Variants in AHNAK2 observed in about 807,000 individuals in gnomAD.
AHNAK2 encodes the protein protein AHNAK2.
A neutral mutation model predicts 30.7 loss-of-function variants in AHNAK2; 18 were observed. That is an observed-to-expected ratio of 0.59 (90% CI 0.41 to 0.87). The LOEUF (loss-of-function observed/expected upper bound fraction) is 0.87. Ranked by LOEUF, AHNAK2 falls within the 40% of genes least tolerant of loss-of-function variation. The pLI is 0.00. For missense variants in AHNAK2, 8,604 were observed against 7,373.0 expected (o/e 1.17, Z -6.11); for synonymous variants, 3,590 against 3,073.8 (o/e 1.17, Z -5.56).
At position 104,947,288 on chromosome 14, in the gene AHNAK2, A is replaced by G. The variant is rs780127043; in HGVS notation, c.8163T>C (p.Val2721=). The G allele has an allele frequency of 1.2e-6, 2 of 1,608,426 alleles. No individual in the cohort carries two copies. The highest frequency in any genetic ancestry group is 8.5e-7 in the Non-Finnish European group (1 of 1,178,142). ...GCCCTTTGAGGCCGGCTCCCTCGGG[A>G]ACGTGGCCCTCTGGGAGTTTCACAT... is the stretch of plus-strand genomic sequence containing the variant. ...QVDVKLPEGH[V]PEGAGLKGHL... Residue 2721 remains valine, a synonymous_variant, in exon 7 of 7, where the codon GTT becomes GTC. Transcript: ENST00000333244.
rs374614203 is a variant in AHNAK2, at chr14:104,950,824, T to C, written c.4627A>G (p.Ile1543Val). Residue 1543 changes from isoleucine to valine, a missense_variant, in exon 7 of 7, where the codon ATA (isoleucine) becomes GTA (valine). Coordinates refer to ENST00000333244, the MANE Select transcript of AHNAK2 (RefSeq NM_138420.4). Reference sequence around the variant, plus strand: ...TCCAGGTCAGCAGAAGGGGGCTGTATGCTCAGGTCAGTGGCCTTGAGGTCC... The same window carrying C: ...TCCAGGTCAGCAGAAGGGGGCTGTACGCTCAGGTCAGTGGCCTTGAGGTCC... Reference protein sequence around the residue: ...QGDLKATDLSIQPPSADLEVQ... With the variant: ...QGDLKATDLSVQPPSADLEVQ... 515 of 1,585,158 alleles carry C rather than the reference T, an allele frequency of 3.2e-4. 38 individuals are homozygous for C. The highest frequency in any genetic ancestry group is 3.1e-3 in the African/African-American group (230 of 73,434).
In AHNAK2 at chr14:104,952,677, T is replaced by C; in HGVS notation, c.2774A>G (p.Lys925Arg). ...GCCCTTGAGGTCCACTTTGGGCATC[T>C]TGAAACTGGGCATCTCCACTTTGGG... is the stretch of plus-strand genomic sequence containing the variant. ...HLPKVEMPSF[K>R]MPKVDLKGPQ... The change falls in exon 7 of 7, where the codon AAG becomes AGG. Residue 925 changes from lysine (K) to arginine (R), a missense_variant. Coordinates refer to ENST00000333244, the MANE Select transcript of AHNAK2 (RefSeq NM_138420.4). The C allele has an allele frequency of 8.7e-6, 14 of 1,612,608 alleles. No individual in the cohort carries two copies. The highest frequency in any genetic ancestry group is 1.2e-5 in the Non-Finnish European group (14 of 1,179,564).
Position 104,953,237 on chromosome 14 carries a change from T to G in AHNAK2, c.2214A>C (p.Gln738His). Residue 738 changes from glutamine to histidine, a missense_variant, in exon 7 of 7, where the codon CAA becomes CAC. Coordinates refer to ENST00000333244, the MANE Select transcript of AHNAK2 (RefSeq NM_138420.4). ...PSADLEVQDG[Q>H]VDVKLPEGPL... ...GGCCCTCCGGAAGTTTCACATCCAC[T>G]TGGCCATCCTGGACCTCCAGGTCAG... The G allele has an allele frequency of 3.1e-6, 5 of 1,612,930 alleles. No homozygotes were observed. Among genetic ancestry groups the G allele is most frequent in the Non-Finnish European group, 4.2e-6 (5 of 1,179,642 alleles).
rs1196940846 is a variant in AHNAK2 at position 104,940,473 on chromosome 14, T to A, written c.14978A>T (p.Asp4993Val). 1.2e-6 allele frequency: 2 copies of A among 1,613,834 alleles called. No individual in the cohort carries two copies. The highest frequency in any genetic ancestry group is 8.5e-7 in the Non-Finnish European group (1 of 1,179,888). The change falls in exon 7 of 7, where the codon GAT (aspartate) becomes GTT (valine). Residue 4993 changes from aspartate to valine, a missense_variant. Coordinates refer to ENST00000333244, the MANE Select transcript of AHNAK2 (RefSeq NM_138420.4). The surrounding 1 kb of genome is among the most constrained non-coding windows in gnomAD (Gnocchi z 4.4). The part of the protein sequence containing the change: ...DSKLSLVLDK[D>V]EVAPQSAIHM... The stretch of plus-strand genomic sequence containing the variant: ...GATGGCAGACTGCGGGGCCACTTCA[T>A]CCTTGTCTAAAACCAGGCTGAGTTT...
chr14:104,945,136 C>A lies in AHNAK2; in HGVS notation c.10315G>T (p.Val3439Leu), dbSNP rs760627353. Residue 3439 changes from valine to leucine, a missense_variant, in exon 7 of 7, where the codon GTG becomes TTG. Coordinates refer to ENST00000333244, the MANE Select transcript of AHNAK2 (RefSeq NM_138420.4). ...VPDVEVSLPS[V>L]EVDVQAPRAK... ...CTCGGGGCCTGGACGTCCACCTCCACGCTGGGCAGAGACACCTCCACATCA... is the reference window on the plus strand; with the variant it reads ...CTCGGGGCCTGGACGTCCACCTCCAAGCTGGGCAGAGACACCTCCACATCA... The A allele has an allele frequency of 1.9e-6, 3 of 1,612,746 alleles. No individual in the cohort carries two copies. The Admixed American group carries it at 5.0e-5, about 27-fold the overall frequency.
chr14:104,945,714 A>G lies in AHNAK2; in HGVS notation c.9737T>C (p.Ile3246Thr), dbSNP rs754768132. ...GTCCAGCTTGGGGCCCTTGATGTCT[A>G]TCTGGGGGCCCTTGCGATCTACTTT... Reference protein sequence around the residue: ...MPKVDRKGPQIDIKGPKLDLK... With the variant: ...MPKVDRKGPQTDIKGPKLDLK... Residue 3246 changes from isoleucine to threonine, a missense_variant, in exon 7 of 7, where the codon ATA becomes ACA. Coordinates refer to ENST00000333244, the MANE Select transcript of AHNAK2 (RefSeq NM_138420.4). The G allele has an allele frequency of 1.2e-6, 2 of 1,600,820 alleles. No homozygotes were observed. Among genetic ancestry groups the G allele is most frequent in the East Asian group, 2.2e-5 (1 of 44,644 alleles).
In AHNAK2 at chr14:104,954,298, G is replaced by A. The variant is rs1188646569; in HGVS notation, c.1153C>T (p.Arg385Ter). The A allele has an allele frequency of 3.1e-6, 5 of 1,613,356 alleles. No individual in the cohort carries two copies. Among genetic ancestry groups the A allele is most frequent in the East Asian group, 2.2e-5 (1 of 44,890 alleles). ...SRREERAEQDREVMPAQSMPL... is the reference protein window; with the variant it reads ...SRREERAEQD ...ATGCTCTGAGCAGGCATCACTTCTC[G>A]ATCCTGTTCTGCCCTCTCCTCTCTC... The change falls in exon 7 of 7, where the codon CGA becomes TGA. Residue 385 changes from arginine (R) to a stop codon, truncating the protein, a stop_gained. Coordinates refer to ENST00000333244, the MANE Select transcript of AHNAK2 (RefSeq NM_138420.4). LOFTEE classifies it low-confidence loss of function (END_TRUNC). This position sits in a 1 kb window ranked among gnomAD's most constrained non-coding sequence, Gnocchi z 4.3.
In AHNAK2 at chr14:104,938,477, A is replaced by C. The variant is rs1192537974; in HGVS notation, c.16974T>G (p.Val5658=). ...WLPNIGFSSS[V]DETGVDSKND... ...TTTTGGAATCAACACCTGTCTCATC[A>C]ACAGAAGAGGAAAACCCAATGTTTG... Residue 5658 remains valine (V), a synonymous_variant, in exon 7 of 7, where the codon GTT becomes GTG. Transcript: ENST00000333244. The C allele has an allele frequency of 1.2e-6, 2 of 1,613,872 alleles. No individual in the cohort carries two copies.
intron 1 of AHNAK2, among the ~76,000 whole-genome samples, chr14:104,961,799 C>T (rs1426580238): frequency 1.3e-5 from 2 of 152,044 alleles, no homozygotes; most frequent in Admixed American, 1.3e-4. Context: ...ACAGTGAGAC[C>T]TCATCTTTAG....
In AHNAK2 at chr14:104,953,545, T is replaced by A; in HGVS notation, c.1906A>T (p.Lys636Ter). The change falls in exon 7 of 7, where the codon AAA (lysine) becomes TAA (stop). Residue 636 changes from lysine (K) to a stop codon, truncating the protein, a stop_gained. Coordinates refer to ENST00000333244, the MANE Select transcript of AHNAK2 (RefSeq NM_138420.4). LOFTEE classifies it low-confidence loss of function (END_TRUNC). ...QRRTEEGLKDKEDSDSMTNTT... is the reference protein window; with the variant it reads ...QRRTEEGLKD ...TTTGTCATTGAGTCACTGTCTTCTT[T>A]GTCTTTTAATCCTTCCTCTGTGCGT... 6.2e-7 allele frequency: 1 copy of A among 1,614,060 alleles called. No individual in the cohort carries two copies. The highest frequency in any genetic ancestry group is 2.2e-5 in the East Asian group (1 of 44,888).
chr14:104,957,006 T>C (rs575524369), intron 3 of AHNAK2, among the ~76,000 whole-genome samples: 1 of 152,288 alleles, frequency 6.6e-6, no homozygotes, highest in South Asian at 2.1e-4. Flanking sequence ...TGTACAAAAA[T>C]GAATCCTTTC....
chr14:104,948,235 T>C lies in AHNAK2; in HGVS notation c.7216A>G (p.Met2406Val), dbSNP rs776746111. 51 of 1,612,368 alleles carry C rather than the reference T, an allele frequency of 3.2e-5. 1 individual carries two copies. The highest frequency in any genetic ancestry group is 4.2e-5 in the Non-Finnish European group (50 of 1,179,528). ...ACTTTGGGCATCTTGAAACTGGGCA[T>C]CTGCAGCTTGGGCAGGTGCCCTTTG... ...GLKGHLPKLQ[M>V]PSFKMPKVDL... The change falls in exon 7 of 7, where the codon ATG (methionine) becomes GTG (valine). Residue 2406 changes from methionine (M) to valine (V), a missense_variant. Transcript: ENST00000333244.
Position 104,969,415 on chromosome 14 carries a change from G to A in AHNAK2, c.55+8768C>T, listed in dbSNP as rs973022166. On this transcript the variant is annotated intron_variant, in intron 1 of 6. Transcript: ENST00000333244. Reference sequence around the variant, plus strand: ...CACTGTGCCTGCCTGGGCCACAGGCGCTCTCTCTCTGGGCTTTCCCAGGCT... The same window carrying A: ...CACTGTGCCTGCCTGGGCCACAGGCACTCTCTCTCTGGGCTTTCCCAGGCT... 3.9e-5 allele frequency among the ~76,000 whole-genome samples: 6 copies of A among 152,196 alleles called. No homozygotes were observed. In the East Asian group the frequency reaches 5.8e-4, roughly 15 times the overall value.
chr14:104,950,429 G>C lies in AHNAK2; in HGVS notation c.5022C>G (p.Gly1674=), dbSNP rs76789618. The C allele has an allele frequency of 3.6e-3, 5,710 of 1,586,402 alleles. 599 individuals are homozygous for C. The highest frequency in any genetic ancestry group is 0.024 in the East Asian group (1,063 of 44,188). Residue 1674 remains glycine (G), a synonymous_variant, in exon 7 of 7, where the codon GGC becomes GGG. Coordinates refer to ENST00000333244, the MANE Select transcript of AHNAK2 (RefSeq NM_138420.4). ...KMPSFGVSAP[G]KSIEASVDVS... is the part of the protein sequence containing the mutation. ...CATCCACCGAGGCCTCGATGGACTT[G>C]CCTGGGGCCGACACCCCAAATGATG... is the stretch of plus-strand genomic sequence containing the variant.
chr14:104,962,147 G>A (rs927037907), intron 1 of AHNAK2, among the ~76,000 whole-genome samples: 4 of 152,130 alleles, frequency 2.6e-5, no homozygotes, highest in Non-Finnish European at 4.4e-5. Context: ...AACACTTGAA[G>A]TACCCATCAA....
Position 104,943,005 on chromosome 14 carries a change from C to A in AHNAK2, c.12446G>T (p.Gly4149Val). 5 of 1,613,350 alleles carry A rather than the reference C, an allele frequency of 3.1e-6. No homozygotes were observed. The highest frequency in any genetic ancestry group is 4.2e-6 in the Non-Finnish European group (5 of 1,179,626). ...KMPSFGVSAPGKSMEASVDVS... is the reference protein window; with the variant it reads ...KMPSFGVSAPVKSMEASVDVS... Reference sequence around the variant, plus strand: ...ATCCACGGACGCCTCCATGGACTTGCCTGGGGCCGACACCCCGAATGATGG... The same window carrying A: ...ATCCACGGACGCCTCCATGGACTTGACTGGGGCCGACACCCCGAATGATGG... The change falls in exon 7 of 7, where the codon GGC becomes GTC. Residue 4149 changes from glycine to valine, a missense_variant. Coordinates refer to ENST00000333244, the MANE Select transcript of AHNAK2 (RefSeq NM_138420.4).
Position 104,940,312 on chromosome 14 carries a change from G to A in AHNAK2, c.15139C>T (p.Pro5047Ser), listed in dbSNP as rs775209089. The change falls in exon 7 of 7, where the codon CCT (proline) becomes TCT (serine). Residue 5047 changes from proline to serine, a missense_variant. Pro to Ser is a moderately conservative substitution (Grantham distance 74). Transcript: ENST00000333244. The surrounding 1 kb of genome is among the most constrained non-coding windows in gnomAD (Gnocchi z 4.4). Reference sequence around the variant, plus strand: ...CCTGCTGTGGCACTAGAAAGGGAAGGATCCACGTCTCTCTGTGGCAGGCTG... The same window carrying A: ...CCTGCTGTGGCACTAGAAAGGGAAGAATCCACGTCTCTCTGTGGCAGGCTG... ...GVSLPQRDVD[P>S]SLSSATAGGS... The A allele has an allele frequency of 9.9e-6, 16 of 1,613,656 alleles. No individual in the cohort carries two copies. Among genetic ancestry groups the A allele is most frequent in the African/African-American group, 2.7e-5 (2 of 74,912 alleles).
rs377372973 is a variant in AHNAK2, at chr14:104,950,357, C to G, written c.5094G>C (p.Gln1698His). 7 of 1,586,278 alleles carry G rather than the reference C, an allele frequency of 4.4e-6. 1 individual carries two copies. The highest frequency in any genetic ancestry group is 3.3e-5 in the South Asian group (3 of 89,734). Residue 1698 changes from glutamine (Q) to histidine (H), a missense_variant, in exon 7 of 7, where the codon CAG becomes CAC. By Grantham distance (24) the Gln-to-His change is conservative (BLOSUM62 0). Transcript: ENST00000333244. ...TGAGGTCAGTGGTCTTCAGGTCCCC[C>G]TGCATGGAGGGGAGGCTCACATCAG... ...VEADVSLPSM[Q>H]GDLKTTDLSI...
At chr14:104,970,325 G>C (rs1899440337) in intron 1 of AHNAK2, 5 of 716,316 alleles carry the variant, frequency 7.0e-6, no homozygotes, top group Non-Finnish European at 8.6e-6. Context: ...CCGTCTGTCA[G>C]CTGCAGGTCG....
Sources: gnomAD v4.1 joint callset for allele counts (sites outside exome capture counted in the v4.1 genomes callset) on GRCh38, gnomAD v4.1.1 for gene constraint, Gnocchi (gnomAD v3.1) non-coding constraint, MANE v1.5 for transcripts, NCBI Gene and HGNC (gene_info 2026-07-23, HGNC 2026-07-21) for gene names.